SLC25A26: variants seen among roughly 807,000 people sequenced by gnomAD.
The protein encoded by SLC25A26 is solute carrier family 25 member 26, also known as mitochondrial S-adenosylmethionine carrier protein.
A neutral mutation model predicts 37.8 loss-of-function variants in SLC25A26; 36 were observed. That is an observed-to-expected ratio of 0.95 (90% CI 0.73 to 1.26). SLC25A26 has a LOEUF of 1.26. Ranked by LOEUF, SLC25A26 falls within the 50% of genes most tolerant of loss-of-function variation. The pLI, the probability that SLC25A26 is intolerant of heterozygous loss-of-function variation, is 0.00. For missense variants in SLC25A26, 390 were observed against 331.1 expected (o/e 1.18, Z -1.38); for synonymous variants, 129 against 122.5 (o/e 1.05, Z -0.35).
chr3:66,220,467 A>G (rs540124363), upstream of SLC25A26, among the ~76,000 whole-genome samples: 4 of 152,364 alleles, frequency 2.6e-5, no homozygotes, highest in East Asian at 5.8e-4. Flanking sequence ...GAACAAACAA[A>G]TAATTTTAAA....
At chr3:66,158,179 C>T (rs1010574558) in intron 1 of SLC25A26, among the ~76,000 whole-genome samples, 1 of 152,156 alleles carries the variant, frequency 6.6e-6, no homozygotes, top group African/African-American at 2.4e-5. Context: ...AGTACGGCAG[C>T]CTTTTTGAGG....
chr3:66,376,989 C>G (rs1407500957), intron 9 of SLC25A26, among the ~76,000 whole-genome samples: 1 of 152,074 alleles, frequency 6.6e-6, no homozygotes, highest in Non-Finnish European at 1.5e-5. Flanking sequence ...TATACTGTGC[C>G]ATAACTTATA....
chr3:66,211,782 G>T (rs1241296713), intron 1 of SLC25A26, among the ~76,000 whole-genome samples: 1 of 152,146 alleles, frequency 6.6e-6, no homozygotes, highest in East Asian at 1.9e-4. Flanking sequence ...CATCTCTTCT[G>T]AAGAAAAAGT....
rs984559638 is a variant in SLC25A26 at position 66,234,351 on chromosome 3, T to A, written c.34-2193T>A. Among the ~76,000 whole-genome samples, 19 of 152,220 alleles carry A rather than the reference T, an allele frequency of 1.2e-4. 1 individual carries two copies. The highest frequency in any genetic ancestry group is 2.5e-4 in the Non-Finnish European group (17 of 68,034). On this transcript the variant is annotated intron_variant, in intron 1 of 9. Transcript: ENST00000354883. The stretch of plus-strand genomic sequence containing the variant: ...CTTTCCTACATTACTTGTGAACTTT[T>A]TCCCATGACTTAGGGAAGGCCACCT...
At chr3:66,179,322 A>G (rs2070650591) in intron 1 of SLC25A26, among the ~76,000 whole-genome samples, 1 of 152,200 alleles carries the variant, frequency 6.6e-6, no homozygotes, top group African/African-American at 2.4e-5. Context: ...TTCTAATTTA[A>G]TGTGTGTTGA....
intron 1 of SLC25A26, among the ~76,000 whole-genome samples, chr3:66,192,889 G>T (rs2070972779): frequency 6.6e-6 from 1 of 151,868 alleles, no homozygotes; most frequent in African/African-American, 2.4e-5. Context: ...TGAGATAAAT[G>T]CTCATGAAAA....
In SLC25A26 at chr3:66,262,172, A is replaced by AC; in HGVS notation, c.405+17_405+18insC. 7.7e-7 allele frequency: 1 copy of AC among 1,303,674 alleles called. No homozygotes were observed. Among genetic ancestry groups the AC allele is most frequent in the Non-Finnish European group, 1.1e-6 (1 of 936,776 alleles). The allele number at this position is 1,303,674 out of a possible 1,614,324, so 80.8% of individuals were successfully genotyped here. On this transcript the variant is annotated intron_variant, in intron 4 of 9. Coordinates refer to ENST00000354883, the MANE Select transcript of SLC25A26 (RefSeq NM_001379210.1). The stretch of plus-strand genomic sequence containing the variant: ...TATGAAGAGGTGAGATGGGTTTTTT[A>AC]AGCTCTTCTTTTCTTTATTAAGATT...
intron 1 of SLC25A26, among the ~76,000 whole-genome samples, chr3:66,160,239 C>T (rs1231475484): frequency 6.6e-6 from 1 of 152,154 alleles, no homozygotes; most frequent in Non-Finnish European, 1.5e-5. Flanking sequence ...ATCTGCCTGC[C>T]TCAGCATGCC....
At chr3:66,339,157 G>T (rs1483591879) in intron 5 of SLC25A26, among the ~76,000 whole-genome samples, 1 of 151,944 alleles carries the variant, frequency 6.6e-6, no homozygotes, top group Non-Finnish European at 1.5e-5. Flanking sequence ...TTTATCAGTG[G>T]ATTTTATTCA....
At chr3:66,282,017 T>TTTTTC in intron 5 of SLC25A26, among the ~76,000 whole-genome samples, 1 of 135,270 alleles carries the variant, frequency 7.4e-6, no homozygotes, top group South Asian at 2.5e-4. Flanking sequence ...TTTTTTTTTT[T>TTTTTC]TTTTTGAGAC....
At chr3:66,214,718 A>G (rs2071334838) in intron 1 of SLC25A26, among the ~76,000 whole-genome samples, 5 of 152,160 alleles carry the variant, frequency 3.3e-5, no homozygotes, top group Non-Finnish European at 1.5e-5. Flanking sequence ...GATTATATAC[A>G]TTGCACATAT....
intron 9 of SLC25A26, chr3:66,371,359 G>A (rs1456575646): frequency 6.5e-7 from 1 of 1,540,666 alleles, no homozygotes; most frequent in Non-Finnish European, 8.8e-7. Context: ...TAGTTTTTGT[G>A]TACCTTTGGC....
intron 1 of SLC25A26, among the ~76,000 whole-genome samples, chr3:66,166,688 C>T (rs774645598): frequency 2.0e-5 from 3 of 152,178 alleles, no homozygotes; most frequent in Non-Finnish European, 4.4e-5. Flanking sequence ...GCTTAGCACT[C>T]CCTTTTCCAT....
chr3:66,232,208 C>A (rs557527317), intron 1 of SLC25A26, among the ~76,000 whole-genome samples: 1 of 152,238 alleles, frequency 6.6e-6, no homozygotes, highest in South Asian at 2.1e-4. Context: ...AGTGCCTGTA[C>A]CCATTCTTCA....
chr3:66,245,772 TAA>T (rs1268326208), intron 3 of SLC25A26, among the ~76,000 whole-genome samples: 4 of 152,146 alleles, frequency 2.6e-5, no homozygotes, highest in Middle Eastern at 3.2e-3. Context: ...AAGTAAAAGT[TAA>T]CATGAAGAAG....
intron 1 of SLC25A26, among the ~76,000 whole-genome samples, chr3:66,180,523 T>C (rs1226905542): frequency 1.3e-5 from 2 of 152,186 alleles, no homozygotes; most frequent in East Asian, 3.9e-4. Flanking sequence ...TTCAGAATGC[T>C]CTTGAGCAGG....
chr3:66,189,587 T>A (rs924401701), intron 1 of SLC25A26, among the ~76,000 whole-genome samples: 3 of 152,240 alleles, frequency 2.0e-5, no homozygotes, highest in Non-Finnish European at 4.4e-5. Context: ...TTTGGATTTC[T>A]TACTGTTCTC....
At chr3:66,213,270 CATA>C (rs2071310978) in intron 1 of SLC25A26, among the ~76,000 whole-genome samples, 1 of 151,726 alleles carries the variant, frequency 6.6e-6, no homozygotes, top group Non-Finnish European at 1.5e-5. Flanking sequence ...TGTGGTAGCC[CATA>C]CCTGTAATCC....
intron 1 of SLC25A26, among the ~76,000 whole-genome samples, chr3:66,178,323 G>A (rs1016564466): frequency 2.6e-5 from 4 of 152,160 alleles, no homozygotes; most frequent in Non-Finnish European, 1.5e-5. Flanking sequence ...GGAAGGGATA[G>A]TCTGAAGTGT....
Sources: allele counts gnomAD v4.1 joint callset (sites outside exome capture counted in the v4.1 genomes callset), GRCh38; gene constraint gnomAD v4.1.1; transcripts MANE v1.5; gene names NCBI Gene and HGNC (gene_info 2026-07-23, HGNC 2026-07-21).